SLC39A14: variants seen among roughly 807,000 people sequenced by gnomAD.
SLC39A14 encodes solute carrier family 39 member 14.
In SLC39A14, 19 loss-of-function variants were observed where a neutral mutation model predicts 45.5. That is an observed-to-expected ratio of 0.42 (90% CI 0.29 to 0.61). The LOEUF is 0.61. SLC39A14 is among the 20% of genes least tolerant of loss of function. The pLI, the probability that SLC39A14 is intolerant of heterozygous loss-of-function variation, is 0.22. For missense variants in SLC39A14, 447 were observed against 616.5 expected (o/e 0.73, Z 2.91); for synonymous variants, 264 against 251.3 (o/e 1.05, Z -0.48).
chr8:22,425,905 T>G (rs1359021327), downstream of SLC39A14, among the ~76,000 whole-genome samples: 1 of 151,412 alleles, frequency 6.6e-6, no homozygotes, highest in African/African-American at 2.4e-5. Context: ...TTTTTGTTTT[T>G]TTTTGAGCAG....
intron 1 of SLC39A14, among the ~76,000 whole-genome samples, chr8:22,402,552 C>G (rs1329587260): frequency 6.6e-6 from 1 of 152,080 alleles, no homozygotes; most frequent in Admixed American, 6.6e-5. Flanking sequence ...GGAGGATCAT[C>G]TGAGGTCAGC....
chr8:22,408,952 C>T (rs1835397686), intron 3 of SLC39A14, among the ~76,000 whole-genome samples: 2 of 152,006 alleles, frequency 1.3e-5, no homozygotes, highest in Non-Finnish European at 2.9e-5. Context: ...TCCTGAGTAG[C>T]TGGGACTACA....
rs528963799 is a variant in SLC39A14, at chr8:22,429,335, T to A, written c.1333-4556T>A. Among the ~76,000 whole-genome samples, 3 of 152,306 alleles carry A rather than the reference T, an allele frequency of 2.0e-5. 1 individual carries two copies. The East Asian group carries it at 5.8e-4, about 29-fold the overall frequency. On this transcript the variant is annotated intron_variant, in intron 8 of 8. Transcript: ENST00000240095. The stretch of plus-strand genomic sequence containing the variant: ...TCCATAGGAATGGATTCATGTCAAT[T>A]CCATCATTGACTATCTGTGTGATCT...
At position 22,415,784 on chromosome 8, in the gene SLC39A14, A is replaced by G; in HGVS notation, c.766A>G (p.Ser256Gly). 6.2e-7 allele frequency: 1 copy of G among 1,611,988 alleles called. No individual in the cohort carries two copies. Among genetic ancestry groups the G allele is most frequent in the Non-Finnish European group, 8.5e-7 (1 of 1,179,538 alleles). The change falls in exon 6 of 9, where the codon AGC (serine) becomes GGC (glycine). Residue 256 changes from serine to glycine, a missense_variant. Transcript: ENST00000381237. Reference protein sequence around the residue: ...KQKNEHHHGHSHYASESLPSK... With the variant: ...KQKNEHHHGHGHYASESLPSK... Reference sequence around the variant, plus strand: ...ACCCTTCCAGCATCATCATGGACACAGCCATTATGCCTCTGAGTCGCTTCC... The same window carrying G: ...ACCCTTCCAGCATCATCATGGACACGGCCATTATGCCTCTGAGTCGCTTCC...
chr8:22,372,965 A>T lies in SLC39A14; in HGVS notation c.-16+5557A>T, dbSNP rs182896669. On this transcript the variant is annotated intron_variant, in intron 1 of 8. Coordinates refer to ENST00000381237, the MANE Select transcript of SLC39A14 (RefSeq NM_001128431.4). ...AATAAGGCGATTACACGTTAACATT[A>T]AAAAAAAAAATGTTTTGAACGGGCG... is the stretch of plus-strand genomic sequence containing the variant. 6.7e-3 allele frequency among the ~76,000 whole-genome samples: 959 copies of T among 142,152 alleles called. 8 individuals carry two copies. The highest frequency in any genetic ancestry group is 0.061 in the South Asian group (276 of 4,556). The allele number at this position is 142,152 out of a possible 152,430, so 93.3% of individuals were successfully genotyped here.
At chr8:22,401,983 A>G (rs551635495) in intron 1 of SLC39A14, among the ~76,000 whole-genome samples, 1 of 152,324 alleles carries the variant, frequency 6.6e-6, no homozygotes, top group East Asian at 1.9e-4. Context: ...ATCTTTCTGC[A>G]TATAGCCTTT....
chr8:22,413,299 C>T (rs1436712760), intron 4 of SLC39A14, among the ~76,000 whole-genome samples: 1 of 152,130 alleles, frequency 6.6e-6, no homozygotes, highest in Non-Finnish European at 1.5e-5. Context: ...CTAGTGGATC[C>T]TTAGGTTAAC....
At chr8:22,407,292 A>AT (rs1835279883) in intron 2 of SLC39A14, among the ~76,000 whole-genome samples, 1 of 152,222 alleles carries the variant, frequency 6.6e-6, no homozygotes, top group Non-Finnish European at 1.5e-5. Context: ...TCCCTGGGCT[A>AT]TTGTGATGTG....
At chr8:22,419,021 A>G (rs1048461202) in intron 8 of SLC39A14, among the ~76,000 whole-genome samples, 7 of 130,094 alleles carry the variant, frequency 5.4e-5, no homozygotes, top group Non-Finnish European at 1.2e-4. Flanking sequence ...AGCGAGTGGA[A>G]AAAAGGAAAA....
chr8:22,379,758 G>A (rs969063131), intron 1 of SLC39A14, among the ~76,000 whole-genome samples: 6 of 151,742 alleles, frequency 4.0e-5, no homozygotes, highest in Non-Finnish European at 8.8e-5. Context: ...GTGAAACCCC[G>A]TCTGTACTAA....
chr8:22,389,398 C>T (rs1434231513), intron 1 of SLC39A14, among the ~76,000 whole-genome samples: 3 of 149,100 alleles, frequency 2.0e-5, no homozygotes, highest in South Asian at 2.1e-4. Context: ...AGGAGTCGGG[C>T]GTGAGCGGGC....
chr8:22,394,639 A>G (rs1834278795), intron 1 of SLC39A14, among the ~76,000 whole-genome samples: 1 of 152,104 alleles, frequency 6.6e-6, no homozygotes, highest in Non-Finnish European at 1.5e-5. Flanking sequence ...TATTTCTTAT[A>G]GGAAGGGTTT....
At chr8:22,410,242 C>A (rs1387873670) in intron 3 of SLC39A14, 18 of 943,560 alleles carry the variant, frequency 1.9e-5, no homozygotes, top group Admixed American at 2.1e-5. Flanking sequence ...ACCTGTCCCT[C>A]GTATCAAAGC....
At chr8:22,397,658 C>A (rs1834581612) in intron 1 of SLC39A14, among the ~76,000 whole-genome samples, 1 of 152,136 alleles carries the variant, frequency 6.6e-6, no homozygotes, top group Admixed American at 6.5e-5. Context: ...TGCAACTTGT[C>A]AGGGTTTTTC....
rs189342016 is a variant in SLC39A14, at chr8:22,380,045, C to G, written c.-16+12637C>G. ...TATTACATACCATTTACATTGTATT[C>G]AATACTATAAGTAACCTAGAGATGG... is the stretch of plus-strand genomic sequence containing the variant. On this transcript the variant is annotated intron_variant, in intron 1 of 8. Transcript: ENST00000381237. 2.4e-3 allele frequency among the ~76,000 whole-genome samples: 361 copies of G among 151,944 alleles called. 2 individuals are homozygous for G. Among genetic ancestry groups the G allele is most frequent in the African/African-American group, 8.2e-3 (341 of 41,426 alleles).
intron 4 of SLC39A14, among the ~76,000 whole-genome samples, chr8:22,413,033 A>T (rs184247907): frequency 8.4e-4 from 128 of 152,336 alleles, no homozygotes; most frequent in Non-Finnish European, 1.3e-3. Flanking sequence ...AATGCAAGTC[A>T]AACAATGTCT....
intron 2 of SLC39A14, 28 bp downstream of exon 2, chr8:22,405,008 C>T: frequency 6.2e-7 from 1 of 1,601,464 alleles, no homozygotes. Context: ...GCCAGCAGCT[C>T]TGCTCAGCCC....
intron 8 of SLC39A14, among the ~76,000 whole-genome samples, chr8:22,431,791 G>A (rs1242395994): frequency 6.6e-6 from 1 of 152,232 alleles, no homozygotes; most frequent in African/African-American, 2.4e-5. Context: ...AGATCCACCA[G>A]CTGAATGAAA....
chr8:22,410,605 G>A (rs1181051278), intron 3 of SLC39A14, among the ~76,000 whole-genome samples: 2 of 152,122 alleles, frequency 1.3e-5, no homozygotes, highest in Non-Finnish European at 2.9e-5. Context: ...GCAGGCCATC[G>A]TTTCTAGCAT....
Sources: allele counts gnomAD v4.1 joint callset (sites outside exome capture counted in the v4.1 genomes callset), GRCh38; gene constraint gnomAD v4.1.1; transcripts MANE v1.5; gene names NCBI Gene and HGNC (gene_info 2026-07-23, HGNC 2026-07-21).